Variants in TCERG1L observed in about 807,000 individuals in gnomAD.
TCERG1L encodes transcription elongation regulator 1-like protein.
A neutral mutation model predicts 56.3 loss-of-function variants in TCERG1L; 37 were observed. That is an observed-to-expected ratio of 0.66 (90% CI 0.51 to 0.87). TCERG1L has a LOEUF of 0.87. Ranked by LOEUF, TCERG1L falls within the 40% of genes least tolerant of loss-of-function variation. The probability of loss-of-function intolerance (pLI) is 0.00; values close to 1 mark genes in which losing one functional copy is unlikely to be tolerated. For missense variants in TCERG1L, 799 were observed against 774.2 expected (o/e 1.03, Z -0.38); for synonymous variants, 324 against 326.3 (o/e 0.99, Z 0.08).
chr10:131,281,929 G>A (rs1202691318), intron 3 of TCERG1L, among the ~76,000 whole-genome samples: 2 of 152,030 alleles, frequency 1.3e-5, no homozygotes, highest in East Asian at 1.9e-4. Flanking sequence ...GAGGTCAGGA[G>A]ATCGAGACCA....
At chr10:131,165,950 G>A (rs577749433) in intron 5 of TCERG1L, among the ~76,000 whole-genome samples, 21 of 152,342 alleles carry the variant, frequency 1.4e-4, no homozygotes, top group African/African-American at 4.8e-4. Flanking sequence ...AAGGCTATCT[G>A]TGTAATTAAT....
chr10:131,265,038 C>A (rs1160505424), intron 3 of TCERG1L, among the ~76,000 whole-genome samples: 8 of 152,164 alleles, frequency 5.3e-5, no homozygotes, highest in Non-Finnish European at 1.0e-4. Context: ...CAGGACCAAA[C>A]TTCACAATCC....
At chr10:131,309,384 T>C in intron 1 of TCERG1L, 85 bp from the exon 2 acceptor site, 1 of 1,505,028 alleles carries the variant, frequency 6.6e-7, no homozygotes, top group South Asian at 1.3e-5. Flanking sequence ...AATAACTGCT[T>C]TGAAAAGGGA....
At chr10:131,161,601 G>A (rs1041230029) in intron 6 of TCERG1L, 2 of 151,786 alleles carry the variant, frequency 1.3e-5, no homozygotes, top group Non-Finnish European at 2.9e-5. Context: ...CAGGGAGGGT[G>A]CTGGTCTCCA....
intron 3 of TCERG1L, among the ~76,000 whole-genome samples, chr10:131,288,679 T>A (rs1183705609): frequency 2.0e-5 from 3 of 151,926 alleles, no homozygotes; most frequent in African/African-American, 7.3e-5. Flanking sequence ...TCATGCTGGA[T>A]GAGAGAGGGC....
At chr10:131,217,312 C>T (rs1387345089) in intron 4 of TCERG1L, among the ~76,000 whole-genome samples, 1 of 152,144 alleles carries the variant, frequency 6.6e-6, no homozygotes, top group East Asian at 1.9e-4. Context: ...TCCACCTTCA[C>T]CTTTTGTCAT....
intron 8 of TCERG1L, among the ~76,000 whole-genome samples, chr10:131,124,614 G>A (rs998127565): frequency 6.6e-6 from 1 of 152,086 alleles, no homozygotes; most frequent in African/African-American, 2.4e-5. Flanking sequence ...GCAAGACTTT[G>A]AGACCCAAGC....
rs951344109 is a variant in TCERG1L at position 131,103,231 on chromosome 10, TA to T, written c.1485+1033del. ...TAAATGACAAGAATATTCAGGGAGG[TA>T]AAAAAAAGGCAATAATTTTTAAGGA... On this transcript the variant is annotated intron_variant, in intron 10 of 11. Coordinates refer to ENST00000368642, the MANE Select transcript of TCERG1L (RefSeq NM_174937.4). The surrounding 1 kb of genome is among the most constrained non-coding windows in gnomAD (Gnocchi z 4.3). 2.0e-5 allele frequency among the ~76,000 whole-genome samples: 3 copies of T among 151,412 alleles called. No individual in the cohort carries two copies. Among genetic ancestry groups the T allele is most frequent in the Non-Finnish European group, 4.4e-5 (3 of 67,856 alleles).
chr10:131,184,173 C>A (rs140844617), intron 4 of TCERG1L, among the ~76,000 whole-genome samples: 2 of 152,334 alleles, frequency 1.3e-5, no homozygotes, highest in South Asian at 4.1e-4. Flanking sequence ...GTGCACTAAG[C>A]GATGACTTCA....
At chr10:131,186,820 T>C (rs1845250021) in intron 4 of TCERG1L, among the ~76,000 whole-genome samples, 1 of 152,192 alleles carries the variant, frequency 6.6e-6, no homozygotes, top group Non-Finnish European at 1.5e-5. Flanking sequence ...TGATTTTTGT[T>C]TTTTCTCATC....
chr10:131,256,994 A>AAGGAAGG (rs1554897149), intron 4 of TCERG1L, among the ~76,000 whole-genome samples: 1 of 69,080 alleles, frequency 1.4e-5, no homozygotes, highest in African/African-American at 5.4e-5. Context: ...GGAAGGAAGG[A>AAGGAAGG]AAGAAAGAAA....
intron 9 of TCERG1L, among the ~76,000 whole-genome samples, chr10:131,108,393 A>G (rs1222700296): frequency 6.6e-6 from 1 of 151,894 alleles, no homozygotes; most frequent in Admixed American, 6.6e-5. Flanking sequence ...GGACTGGTTC[A>G]CAAGGCACCC....
chr10:131,145,134 C>T (rs1367133332), intron 7 of TCERG1L, among the ~76,000 whole-genome samples: 1 of 152,252 alleles, frequency 6.6e-6, no homozygotes, highest in Non-Finnish European at 1.5e-5. Context: ...CCAGCATGAT[C>T]TGCCTTTGCC....
intron 4 of TCERG1L, among the ~76,000 whole-genome samples, chr10:131,247,145 A>G (rs1247197014): frequency 6.6e-6 from 1 of 152,226 alleles, no homozygotes; most frequent in Non-Finnish European, 1.5e-5. Context: ...ACTGAATTAC[A>G]CACATAGGCA....
chr10:131,128,779 G>A (rs1003131782), intron 8 of TCERG1L, among the ~76,000 whole-genome samples: 1 of 152,130 alleles, frequency 6.6e-6, no homozygotes, highest in African/African-American at 2.4e-5. Flanking sequence ...TAAGGAAGTC[G>A]TAGATCAAGA....
intron 9 of TCERG1L, among the ~76,000 whole-genome samples, chr10:131,106,538 C>A (rs539556478): frequency 3.9e-5 from 6 of 152,192 alleles, no homozygotes; most frequent in African/African-American, 1.4e-4. Context: ...CCTGGGGGTG[C>A]AAGAGCCAAT....
intron 6 of TCERG1L, 94 bp from the exon 7 acceptor site, chr10:131,146,754 C>G: frequency 7.2e-7 from 1 of 1,397,210 alleles, no homozygotes; most frequent in African/African-American, 1.4e-5. Context: ...CCCCTCAGGA[C>G]CGAAATCCAC....
At chr10:131,248,334 C>T (rs771333016) in intron 4 of TCERG1L, among the ~76,000 whole-genome samples, 6 of 152,116 alleles carry the variant, frequency 3.9e-5, no homozygotes, top group Non-Finnish European at 8.8e-5. Context: ...CAGGTCTTGG[C>T]AGGAAATGTC....
intron 3 of TCERG1L, among the ~76,000 whole-genome samples, chr10:131,280,023 A>C (rs137978578): frequency 6.6e-6 from 1 of 152,336 alleles, no homozygotes; most frequent in African/African-American, 2.4e-5. Context: ...CAGTTAATTT[A>C]GAAAATGTAT....
Sources: gnomAD v4.1 joint callset for allele counts (sites outside exome capture counted in the v4.1 genomes callset) on GRCh38, gnomAD v4.1.1 for gene constraint, Gnocchi (gnomAD v3.1) non-coding constraint, MANE v1.5 for transcripts, NCBI Gene and HGNC (gene_info 2026-07-23, HGNC 2026-07-21) for gene names.